FHIT: variants seen among roughly 807,000 people sequenced by gnomAD.
The protein encoded by FHIT is fragile histidine triad diadenosine triphosphatase.
A neutral mutation model predicts 17.9 loss-of-function variants in FHIT; 19 were observed. The observed-to-expected ratio is 1.06, with a 90% CI of 0.74 to 1.56. The LOEUF is 1.56. Among genes scored for constraint, FHIT ranks in the 40% most tolerant of loss-of-function variants. The probability of loss-of-function intolerance (pLI) is 0.00; values close to 1 mark genes in which losing one functional copy is unlikely to be tolerated. For missense variants in FHIT, 248 were observed against 189.2 expected, an observed-to-expected ratio of 1.31 and a Z score of -1.82; for synonymous variants, 81 against 69.7, an observed-to-expected ratio of 1.16 and a Z score of -0.81.
At chr3:61,049,248 A>G (rs980581659) in intron 2 of FHIT, among the ~76,000 whole-genome samples, 5 of 151,606 alleles carry the variant, frequency 3.3e-5, no homozygotes, top group Admixed American at 2.0e-4. Flanking sequence ...GTTACCAAAT[A>G]GAAGTTATTA....
chr3:60,009,122 C>T (rs935322527), intron 7 of FHIT, among the ~76,000 whole-genome samples: 2 of 148,144 alleles, frequency 1.4e-5, no homozygotes, highest in East Asian at 4.0e-4. Flanking sequence ...GATACTTTGT[C>T]TAAAAGGACA....
chr3:60,206,938 G>A (rs898071050), intron 5 of FHIT, among the ~76,000 whole-genome samples: 5 of 151,842 alleles, frequency 3.3e-5, no homozygotes, highest in Non-Finnish European at 5.9e-5. Flanking sequence ...CCCTTACCTC[G>A]GTAAAGAGTA....
intron 5 of FHIT, among the ~76,000 whole-genome samples, chr3:60,179,924 C>G (rs1409817490): frequency 6.6e-6 from 1 of 152,172 alleles, no homozygotes; most frequent in Non-Finnish European, 1.5e-5. Context: ...CAAATAGATT[C>G]AAGATGGAAT....
Position 60,698,352 on chromosome 3 carries a change from T to A in FHIT, c.-18+123567A>T, listed in dbSNP as rs115122022. On this transcript the variant is annotated intron_variant, in intron 4 of 9. Transcript: ENST00000492590. ...AAAAGAGGCGTTTCAGGAATATAAA[T>A]CAGGCTTTTGTCCCATACCTTCAGT... Among the ~76,000 whole-genome samples, 1,163 of 152,220 alleles carry A rather than the reference T, an allele frequency of 7.6e-3. 15 individuals are homozygous for A. The highest frequency in any genetic ancestry group is 0.026 in the African/African-American group (1,099 of 41,536).
intron 3 of FHIT, among the ~76,000 whole-genome samples, chr3:60,916,928 G>C (rs1200207922): frequency 6.6e-6 from 1 of 152,102 alleles, no homozygotes; most frequent in African/African-American, 2.4e-5. Flanking sequence ...CTCCCAAATA[G>C]TCATTTGGGG....
chr3:59,756,525 G>C (rs763512837), intron 8 of FHIT, among the ~76,000 whole-genome samples: 7 of 152,086 alleles, frequency 4.6e-5, no homozygotes, highest in Non-Finnish European at 8.8e-5. Flanking sequence ...TTTAGGATAA[G>C]GATGTCTCAT....
At chr3:61,019,164 T>C (rs1228696134) in intron 3 of FHIT, among the ~76,000 whole-genome samples, 2 of 152,220 alleles carry the variant, frequency 1.3e-5, no homozygotes, top group Non-Finnish European at 2.9e-5. Flanking sequence ...AACTGATATA[T>C]CAGCAACAAT....
chr3:60,180,001 CTATATGTAATATA>C (rs1701854181), intron 5 of FHIT, among the ~76,000 whole-genome samples: 3 of 152,108 alleles, frequency 2.0e-5, no homozygotes, highest in Admixed American at 2.0e-4. Context: ...TCCACGGGGA[CTATATGTAATATA>C]TTTATGTAAT....
In FHIT at chr3:59,951,518, G is replaced by C. The variant is rs567981871; in HGVS notation, c.280-29104C>G. Among the ~76,000 whole-genome samples, 7 of 152,292 alleles carry C rather than the reference G, an allele frequency of 4.6e-5. No individual in the cohort carries two copies. In the East Asian group the frequency reaches 1.3e-3, roughly 29 times the overall value. Reference sequence around the variant, plus strand: ...GGAACTCTGAAGGACTCTGACATCAGTTTGCGATGCCTCAGCTACCTCTGT... The same window carrying C: ...GGAACTCTGAAGGACTCTGACATCACTTTGCGATGCCTCAGCTACCTCTGT... On this transcript the variant is annotated intron_variant, in intron 7 of 9. Coordinates refer to ENST00000492590, the MANE Select transcript of FHIT (RefSeq NM_002012.4).
intron 7 of FHIT, among the ~76,000 whole-genome samples, chr3:59,975,493 TTTTC>T (rs1239368084): frequency 2.6e-5 from 4 of 152,238 alleles, no homozygotes; most frequent in Admixed American, 6.5e-5. Context: ...ATTATTTTTA[TTTTC>T]TTTCTATTAT....
At chr3:60,878,824 C>A (rs1240933566) in intron 3 of FHIT, among the ~76,000 whole-genome samples, 9 of 152,092 alleles carry the variant, frequency 5.9e-5, no homozygotes, top group East Asian at 1.9e-4. Context: ...TGAACTCATC[C>A]TTTTTTATGG....
chr3:60,002,437 TA>T (rs1260704849), intron 7 of FHIT, among the ~76,000 whole-genome samples: 2 of 152,178 alleles, frequency 1.3e-5, no homozygotes, highest in South Asian at 2.1e-4. Context: ...ACGGATCTAT[TA>T]GACAATAAGG....
chr3:60,912,613 C>A (rs1412501024), intron 3 of FHIT: 14 of 326,924 alleles, frequency 4.3e-5, no homozygotes, highest in South Asian at 4.0e-4. Flanking sequence ...TATAAAGGTG[C>A]CCTCCCCACC....
intron 5 of FHIT, among the ~76,000 whole-genome samples, chr3:60,372,536 T>C (rs73090039): frequency 0.062 from 9,454 of 152,270 alleles, 404 homozygotes; most frequent in Non-Finnish European, 0.099. Context: ...TGCCCACACT[T>C]GGATTTTAAA....
chr3:60,751,143 C>CA (rs1553716713), intron 4 of FHIT, among the ~76,000 whole-genome samples: 3 of 152,236 alleles, frequency 2.0e-5, no homozygotes, highest in South Asian at 2.1e-4. Context: ...GTTAGAACAA[C>CA]AGAAGACACC....
chr3:60,718,054 A>G (rs2041727152), intron 4 of FHIT, among the ~76,000 whole-genome samples: 1 of 152,176 alleles, frequency 6.6e-6, no homozygotes, highest in African/African-American at 2.4e-5. Context: ...TCAGTATGGT[A>G]TTGGATCTCA....
chr3:60,265,738 A>T (rs750880315), intron 5 of FHIT, among the ~76,000 whole-genome samples: 1 of 151,924 alleles, frequency 6.6e-6, no homozygotes, highest in Non-Finnish European at 1.5e-5. Flanking sequence ...TAATAAATAG[A>T]TGATTCAAAT....
At chr3:60,130,933 T>A (rs11918355) in intron 5 of FHIT, among the ~76,000 whole-genome samples, 1 of 145,086 alleles carries the variant, frequency 6.9e-6, no homozygotes, top group African/African-American at 2.5e-5. Flanking sequence ...ACATATATGT[T>A]TATATATATA....
intron 4 of FHIT, among the ~76,000 whole-genome samples, chr3:60,564,786 C>T (rs560098005): frequency 5.3e-5 from 8 of 152,224 alleles, no homozygotes; most frequent in African/African-American, 1.7e-4. Context: ...AAATCAACTC[C>T]TAGTGAAGAT....
Sources: allele counts gnomAD v4.1 joint callset (sites outside exome capture counted in the v4.1 genomes callset), GRCh38; gene constraint gnomAD v4.1.1; transcripts MANE v1.5; gene names NCBI Gene and HGNC (gene_info 2026-07-23, HGNC 2026-07-21).